OMD: variants seen among roughly 807,000 people sequenced by gnomAD.
The protein encoded by OMD is osteomodulin, also known as KSPG osteomodulin.
In OMD, 19 loss-of-function variants were observed where a neutral mutation model predicts 31.2. The ratio of observed to expected loss-of-function variants is 0.61; its 90% confidence interval spans 0.42 to 0.89. OMD has a LOEUF of 0.89. Ranked by LOEUF, OMD falls within the 40% of genes least tolerant of loss-of-function variation. The pLI is 0.00. For synonymous variants in OMD, 155 were observed against 166.4 expected (o/e 0.93, Z 0.53); for missense variants, 448 against 490.8 (o/e 0.91, Z 0.82).
In OMD at chr9:92,417,344, A is replaced by G. The variant is rs758409289; in HGVS notation, c.215T>C (p.Phe72Ser). The part of the protein sequence containing the change: ...CVSECFCPTN[F>S]PSSMYCDNRK... ...ATTATCACAGTACATTGATGATGGAAAGTTAGTTGGACAGAAGCATTCACT... is the reference window on the plus strand; with the variant it reads ...ATTATCACAGTACATTGATGATGGAGAGTTAGTTGGACAGAAGCATTCACT... Residue 72 changes from phenylalanine to serine, a missense_variant, in exon 2 of 3, where the codon TTT (phenylalanine) becomes TCT (serine). Physicochemically the swap from Phe to Ser is radical, Grantham distance 155. Coordinates refer to ENST00000375550, the MANE Select transcript of OMD (RefSeq NM_005014.3). 6.2e-7 allele frequency: 1 copy of G among 1,614,060 alleles called. No homozygotes were observed.
At chr9:92,421,802 T>G (rs1332020184) in intron 1 of OMD, among the ~76,000 whole-genome samples, 2 of 152,094 alleles carry the variant, frequency 1.3e-5, no homozygotes, top group Non-Finnish European at 2.9e-5. Flanking sequence ...AGGAGAGAGA[T>G]ACAACAAAGT....
At chr9:92,419,142 TCTAGGG>T (rs1843708472) in intron 1 of OMD, among the ~76,000 whole-genome samples, 1 of 152,114 alleles carries the variant, frequency 6.6e-6, no homozygotes. Context: ...AACTTGAAGT[TCTAGGG>T]AAGGGTCAAT....
intron 1 of OMD, among the ~76,000 whole-genome samples, chr9:92,418,502 A>G (rs1376438883): frequency 6.6e-6 from 1 of 151,924 alleles, no homozygotes; most frequent in Non-Finnish European, 1.5e-5. Context: ...CTTGCTTACT[A>G]GGGTATAGAT....
chr9:92,421,945 G>A (rs1366709057), intron 1 of OMD, among the ~76,000 whole-genome samples: 1 of 152,064 alleles, frequency 6.6e-6, no homozygotes, highest in Non-Finnish European at 1.5e-5. Flanking sequence ...GACTTTGGGA[G>A]ATTAATAGGA....
chr9:92,416,058 G>GTGTATATATATATATATATATATA (rs6151074), intron 2 of OMD, among the ~76,000 whole-genome samples: 1 of 130,932 alleles, frequency 7.6e-6, no homozygotes, highest in Non-Finnish European at 1.6e-5. Context: ...ATATATGTGT[G>GTGTATATATATATATATATATATA]TATATATATA....
At chr9:92,421,921 C>G (rs536268306) in intron 1 of OMD, among the ~76,000 whole-genome samples, 1 of 152,078 alleles carries the variant, frequency 6.6e-6, no homozygotes, top group Non-Finnish European at 1.5e-5. Flanking sequence ...CTTTTGTAGA[C>G]ATCATTTGAC....
In OMD at chr9:92,413,452, A is replaced by G. The variant is rs1843501612; in HGVS notation, c.*1700T>C. Among the ~76,000 whole-genome samples the G allele has an allele frequency of 6.6e-6, 1 of 152,180 alleles. No homozygotes were observed. The highest frequency in any genetic ancestry group is 1.5e-5 in the Non-Finnish European group (1 of 68,036). On this transcript the variant is annotated 3_prime_UTR_variant, in exon 3 of 3. Coordinates refer to ENST00000375550, the MANE Select transcript of OMD (RefSeq NM_005014.3). ...GCTATCCTAGTGAGCACATAGTAAT[A>G]TCTCATTTATTTGCATTTCCCTAAT...
Position 92,417,499 on chromosome 9 carries a change from G to A in OMD, c.60C>T (p.Cys20=), listed in dbSNP as rs779605119. Reference sequence around the variant, plus strand: ...CATCCCACTGATAAGTTTCATATTGGCAATGTACTTTGACTCCAAAAAAGA... The same window carrying A: ...CATCCCACTGATAAGTTTCATATTGACAATGTACTTTGACTCCAAAAAAGA... ...IFFFFGVKVH[C]QYETYQWDED... The change falls in exon 2 of 3, where the codon TGC becomes TGT. Residue 20 remains cysteine, a synonymous_variant. Coordinates refer to ENST00000375550, the MANE Select transcript of OMD (RefSeq NM_005014.3). 6.2e-7 allele frequency: 1 copy of A among 1,612,944 alleles called. No homozygotes were observed. Among genetic ancestry groups the A allele is most frequent in the South Asian group, 1.1e-5 (1 of 90,926 alleles).
Position 92,414,571 on chromosome 9 carries a change from T to C in OMD, c.*581A>G, listed in dbSNP as rs1040121885. 3.3e-5 allele frequency: 7 copies of C among 209,604 alleles called. No individual in the cohort carries two copies. The highest frequency in any genetic ancestry group is 6.8e-5 in the Non-Finnish European group (7 of 103,162). 13.0% of individuals were successfully genotyped at this position (209,604 alleles called of 1,614,324 possible). A position where few individuals can be genotyped will look rare whatever the true frequency, so the allele number is the denominator to read the frequency against. ...ATGCCTTGGGTCCTTAGTACCTGGA[T>C]GGCCTCTTACAAATCAAAAATATCA... On this transcript the variant is annotated 3_prime_UTR_variant, in exon 3 of 3. Coordinates refer to ENST00000375550, the MANE Select transcript of OMD (RefSeq NM_005014.3).
At position 92,416,872 on chromosome 9, in the gene OMD, A is replaced by T; in HGVS notation, c.687T>A (p.Pro229=). The change falls in exon 2 of 3, where the codon CCT becomes CCA. Residue 229 remains proline, a synonymous_variant. Transcript: ENST00000375550. ...GATACATAAGTGAAGAAGGCAAACCAGGAGGCATTGATTCTAATCTGTTAC... is the reference window on the plus strand; with the variant it reads ...GATACATAAGTGAAGAAGGCAAACCTGGAGGCATTGATTCTAATCTGTTAC... ...LCSNRLESMP[P]GLPSSLMYLS... 6.2e-7 allele frequency: 1 copy of T among 1,614,044 alleles called. No individual in the cohort carries two copies. The highest frequency in any genetic ancestry group is 8.5e-7 in the Non-Finnish European group (1 of 1,179,936).
rs561391431 is a variant in OMD, at chr9:92,419,290, G to A, written c.-16-1716C>T. Among the ~76,000 whole-genome samples, 11 of 146,428 alleles carry A rather than the reference G, an allele frequency of 7.5e-5. No homozygotes were observed. The South Asian group carries it at 2.1e-3, about 29-fold the overall frequency. Reference sequence around the variant, plus strand: ...ACCTTGGCTGCTTATCTTGTATGTTGCCTTGTGTCTTTTTTTTTTTTTTTT... The same window carrying A: ...ACCTTGGCTGCTTATCTTGTATGTTACCTTGTGTCTTTTTTTTTTTTTTTT... On this transcript the variant is annotated intron_variant, in intron 1 of 2. Coordinates refer to ENST00000375550, the MANE Select transcript of OMD (RefSeq NM_005014.3).
intron 1 of OMD, among the ~76,000 whole-genome samples, chr9:92,423,029 A>C (rs1430582995): frequency 6.7e-6 from 1 of 149,608 alleles, no homozygotes; most frequent in Non-Finnish European, 1.5e-5. Flanking sequence ...GAATAAGTTA[A>C]TAAGTTATAG....
At chr9:92,415,652 A>T (rs1368097889) in intron 2 of OMD, among the ~76,000 whole-genome samples, 175 bp from the exon 3 acceptor site, 2 of 150,656 alleles carry the variant, frequency 1.3e-5, no homozygotes, top group Non-Finnish European at 3.0e-5. Context: ...AAATTAAATT[A>T]TGAGTTTTAT....
Position 92,412,907 on chromosome 9 carries a change from G to A in OMD, c.*2245C>T, listed in dbSNP as rs956934791. Among the ~76,000 whole-genome samples, 4 of 148,604 alleles carry A rather than the reference G, an allele frequency of 2.7e-5. No homozygotes were observed. Reference sequence around the variant, plus strand: ...GACATTTATATGCAAATTTTGGTGTGAACATGTGTGTTCAGTTCTATTGGG... The same window carrying A: ...GACATTTATATGCAAATTTTGGTGTAAACATGTGTGTTCAGTTCTATTGGG... On this transcript the variant is annotated 3_prime_UTR_variant, in exon 3 of 3. Transcript: ENST00000375550.
rs777123276 is a variant in OMD at position 92,417,507 on chromosome 9, C to G, written c.52G>C (p.Val18Leu). ...YVIFFFFGVK[V>L]HCQYETYQWD... is the part of the protein sequence containing the mutation. ...TGATAAGTTTCATATTGGCAATGTA[C>G]TTTGACTCCAAAAAAGAAGAAAATA... The change falls in exon 2 of 3, where the codon GTA becomes CTA. Residue 18 changes from valine (V) to leucine (L), a missense_variant. By Grantham distance (32) the Val-to-Leu change is conservative. Coordinates refer to ENST00000375550, the MANE Select transcript of OMD (RefSeq NM_005014.3). 40 of 1,609,686 alleles carry G rather than the reference C, an allele frequency of 2.5e-5. No individual in the cohort carries two copies. Among genetic ancestry groups the G allele is most frequent in the Non-Finnish European group, 3.3e-5 (39 of 1,178,930 alleles).
Position 92,417,262 on chromosome 9 carries a change from C to T in OMD, c.297G>A (p.Gln99=), listed in dbSNP as rs1161946959. The T allele has an allele frequency of 2.5e-6, 4 of 1,614,018 alleles. 1 individual carries two copies. In the South Asian group the frequency reaches 4.4e-5, roughly 18 times the overall value. ...CAGTCACAGCCTCAATTTCATTGAA[C>T]TGAAGGTAGAGTTGCTGAATGTGCA... is the stretch of plus-strand genomic sequence containing the variant. ...IPMHIQQLYL[Q]FNEIEAVTAN... is the part of the protein sequence containing the mutation. Residue 99 remains glutamine (Q), a synonymous_variant, in exon 2 of 3, where the codon CAG becomes CAA. Transcript: ENST00000375550.
In OMD at chr9:92,416,068, A is replaced by ATATATT. The variant is rs1275784821; in HGVS notation, c.940+550_940+551insAATATA. Among the ~76,000 whole-genome samples, 785 of 136,982 alleles carry ATATATT rather than the reference A, an allele frequency of 5.7e-3. 23 individuals are homozygous for ATATATT. The East Asian group carries it at 0.065, about 11-fold the overall frequency. 89.9% of individuals were successfully genotyped at this position (136,982 alleles called of 152,430 possible). On this transcript the variant is annotated intron_variant, in intron 2 of 2. Transcript: ENST00000375550. ...ATATTATATATGTGTGTATATATATATATTTATTTATTTATTTATTTATTT... is the reference window on the plus strand; with the variant it reads ...ATATTATATATGTGTGTATATATATATATATTTATTTATTTATTTATTTATTTATTT...
At chr9:92,417,633 T>A (rs2761676) in intron 1 of OMD, 59 bp from the exon 2 acceptor site, 1 of 863,078 alleles carries the variant, frequency 1.2e-6, no homozygotes, top group East Asian at 2.6e-5. Flanking sequence ...GAATACGCTT[T>A]GTATAAATTC....
rs1843513963 is a variant in OMD, at chr9:92,413,915, G to A, written c.*1237C>T. Among the ~76,000 whole-genome samples the A allele has an allele frequency of 1.3e-5, 2 of 152,128 alleles. No individual in the cohort carries two copies. ...CTGGTATTTCCAGAAAAAAAGACTT[G>A]CAAGCTTGAAAACTATTTCTGAAGT... On this transcript the variant is annotated 3_prime_UTR_variant, in exon 3 of 3. Coordinates refer to ENST00000375550, the MANE Select transcript of OMD (RefSeq NM_005014.3).
Sources: allele counts gnomAD v4.1 joint callset (sites outside exome capture counted in the v4.1 genomes callset), GRCh38; gene constraint gnomAD v4.1.1; transcripts MANE v1.5; gene names NCBI Gene and HGNC (gene_info 2026-07-23, HGNC 2026-07-21).